The following SOS1 variants were observed in gnomAD, a reference collection of about 807,000 sequenced individuals.
SOS1 encodes SOS Ras/Rac guanine nucleotide exchange factor 1.
Under a neutral mutation model 157.6 loss-of-function variants are expected in SOS1, and 25 were observed. The observed-to-expected ratio is 0.16, with a 90% CI of 0.12 to 0.22. The LOEUF (loss-of-function observed/expected upper bound fraction) is 0.22. Among genes scored for constraint, SOS1 ranks in the 10% least tolerant of loss-of-function variants. SOS1 has a pLI of 1.00. For synonymous variants in SOS1, 528 were observed against 534.0 expected (o/e 0.99, Z 0.16); for missense variants, 1,237 against 1,599.1 (o/e 0.77, Z 3.86).
At chr2:39,113,352 GTCT>G (rs1475111691) in intron 1 of SOS1, among the ~76,000 whole-genome samples, 7 of 149,162 alleles carry the variant, frequency 4.7e-5, no homozygotes, top group African/African-American at 9.8e-5. Context: ...CACCATACCT[GTCT>G]TCTTTTTTTT....
chr2:39,118,766 C>T (rs1490182297), intron 1 of SOS1, among the ~76,000 whole-genome samples: 4 of 152,170 alleles, frequency 2.6e-5, no homozygotes, highest in Admixed American at 2.6e-4. Context: ...CAAATATTAG[C>T]AACTAATTAC....
intron 5 of SOS1, among the ~76,000 whole-genome samples, chr2:39,051,850 C>T (rs1000778537): frequency 1.9e-4 from 29 of 152,116 alleles, no homozygotes; most frequent in African/African-American, 3.1e-4. Flanking sequence ...TCAAAGTATA[C>T]GAAAAATCTA....
At chr2:38,992,199 T>C (rs1023796686) in intron 20 of SOS1, 4 of 152,108 alleles carry the variant, frequency 2.6e-5, no homozygotes, top group African/African-American at 4.8e-5. Context: ...TAGGCAAAAG[T>C]GAAGACAAAA....
intron 2 of SOS1, among the ~76,000 whole-genome samples, chr2:39,062,328 G>A (rs1268041776): frequency 4.0e-5 from 6 of 150,614 alleles, no homozygotes; most frequent in Non-Finnish European, 7.4e-5. Flanking sequence ...TGAGGCACGA[G>A]AATCACTTGA....
intron 1 of SOS1, among the ~76,000 whole-genome samples, chr2:39,101,109 G>A (rs1234301799): frequency 6.6e-6 from 1 of 152,228 alleles, no homozygotes; most frequent in African/African-American, 2.4e-5. Context: ...TCTGCTTCTG[G>A]TAAGGACCTC....
chr2:39,066,070 C>G (rs1343661166), intron 2 of SOS1, among the ~76,000 whole-genome samples: 1 of 152,150 alleles, frequency 6.6e-6, no homozygotes, highest in Non-Finnish European at 1.5e-5. Context: ...ATTGGATATG[C>G]CTGTCTATCA....
At chr2:39,102,449 A>G (rs1673005310) in intron 1 of SOS1, among the ~76,000 whole-genome samples, 1 of 149,258 alleles carries the variant, frequency 6.7e-6, no homozygotes, top group Admixed American at 6.7e-5. Context: ...GAGGATCACT[A>G]AAACCCAGGA....
In SOS1 at chr2:38,985,878, G is replaced by A. The variant is rs1399242305; in HGVS notation, c.3948C>T (p.His1316=). 1 of 1,613,928 alleles carries A rather than the reference G, an allele frequency of 6.2e-7. No individual in the cohort carries two copies. Among genetic ancestry groups the A allele is most frequent in the Admixed American group, 1.7e-5 (1 of 60,002 alleles). Residue 1316 remains histidine, a synonymous_variant, in exon 23 of 23, where the codon CAC becomes CAT. Coordinates refer to ENST00000402219, the MANE Select transcript of SOS1 (RefSeq NM_005633.4). ...GTGGTCCATCTCTGTGCATGGATGG[G>A]TGTGTGTGCTCCCTTTTGTAAGTTT... The part of the protein sequence containing the change: ...PPKTYKREHT[H]PSMHRDGPPL...
intron 10 of SOS1, among the ~76,000 whole-genome samples, chr2:39,017,602 A>C (rs927445449): frequency 1.3e-5 from 2 of 152,074 alleles, no homozygotes; most frequent in Non-Finnish European, 2.9e-5. Context: ...CAAAAAGACA[A>C]AAGCAGCAGA....
chr2:39,035,545 A>G (rs1322689021), intron 6 of SOS1, 45 bp from the exon 7 acceptor site: 1 of 1,373,514 alleles, frequency 7.3e-7, no homozygotes, highest in Non-Finnish European at 1.0e-6. Flanking sequence ...TACCATTACA[A>G]ACACAGAAAG....
intron 5 of SOS1, among the ~76,000 whole-genome samples, chr2:39,053,040 C>T (rs1278043451): frequency 1.3e-5 from 2 of 152,152 alleles, no homozygotes; most frequent in Non-Finnish European, 2.9e-5. Context: ...GTAATCCCAG[C>T]TACACGGGAG....
intron 6 of SOS1, among the ~76,000 whole-genome samples, chr2:39,043,475 G>C (rs1227350809): frequency 6.6e-6 from 1 of 152,048 alleles, no homozygotes; most frequent in East Asian, 1.9e-4. Context: ...TCTATTCATT[G>C]TAACAATTTG....
intron 1 of SOS1, among the ~76,000 whole-genome samples, chr2:39,089,544 A>AAG (rs1553368167): frequency 4.6e-5 from 7 of 151,186 alleles, no homozygotes; most frequent in Non-Finnish European, 1.0e-4. Flanking sequence ...AAAAAAAAAA[A>AAG]AAAGAAAGAA....
At chr2:39,037,891 A>T (rs1670412619) in intron 6 of SOS1, among the ~76,000 whole-genome samples, 1 of 152,088 alleles carries the variant, frequency 6.6e-6, no homozygotes, top group Non-Finnish European at 1.5e-5. Flanking sequence ...TGAATACTTT[A>T]AGCCCACTAT....
chr2:39,119,865 G>C (rs762394520), intron 1 of SOS1, among the ~76,000 whole-genome samples: 4 of 152,204 alleles, frequency 2.6e-5, no homozygotes, highest in Admixed American at 6.5e-5. Flanking sequence ...GAGCAGAGCA[G>C]GCCACGTTCC....
In SOS1 at chr2:39,047,346, C is replaced by T. The variant is rs1240035086; in HGVS notation, c.864+3798G>A. 3.3e-5 allele frequency among the ~76,000 whole-genome samples: 5 copies of T among 152,116 alleles called. No homozygotes were observed. The East Asian group carries it at 7.7e-4, about 23-fold the overall frequency. On this transcript the variant is annotated intron_variant, in intron 6 of 22. Transcript: ENST00000402219. ...ATTCTTCAATATGTCTTTCAGTCAA[C>T]ATAAGCACTCATTTTTGTTTGGTAT... is the stretch of plus-strand genomic sequence containing the variant.
At chr2:39,067,889 C>A in intron 1 of SOS1, 136 bp from the exon 2 acceptor site, 1 of 740,896 alleles carries the variant, frequency 1.3e-6, no homozygotes. Flanking sequence ...GAGGCCAAGG[C>A]GGGCAGATCA....
intron 6 of SOS1, 129 bp from the exon 7 acceptor site, chr2:39,035,629 A>G: frequency 1.5e-6 from 1 of 679,540 alleles, no homozygotes; most frequent in Non-Finnish European, 2.6e-6. Flanking sequence ...AAATTATATG[A>G]CTACTAATTA....
chr2:39,040,822 A>C (rs1392088139), intron 6 of SOS1, among the ~76,000 whole-genome samples: 1 of 152,294 alleles, frequency 6.6e-6, no homozygotes, highest in Non-Finnish European at 1.5e-5. Flanking sequence ...CAAGTATAGG[A>C]TTGAATCTCT....
Sources: gnomAD v4.1 joint callset for allele counts (sites outside exome capture counted in the v4.1 genomes callset) on GRCh38, gnomAD v4.1.1 for gene constraint, MANE v1.5 for transcripts, NCBI Gene and HGNC (gene_info 2026-07-23, HGNC 2026-07-21) for gene names.